RBL1: variants seen among roughly 807,000 people sequenced by gnomAD.
RBL1 encodes the protein retinoblastoma-like protein 1.
RBL1 carries 82 observed loss-of-function variants against 123.0 expected under a neutral mutation model. That is an observed-to-expected ratio of 0.67 (90% confidence interval 0.56 to 0.80). RBL1 has a LOEUF of 0.80. RBL1 is among the 30% of genes least tolerant of loss of function. The probability of loss-of-function intolerance (pLI) is 0.00; values close to 1 mark genes in which losing one functional copy is unlikely to be tolerated. For missense variants in RBL1, 1,171 were observed against 1,299.6 expected (o/e 0.90, Z 1.52); for synonymous variants, 405 against 441.3 (o/e 0.92, Z 1.03).
intron 3 of RBL1, 149 bp downstream of exon 3, chr20:37,067,837 A>G (rs1420628521): frequency 1.2e-6 from 1 of 867,714 alleles, no homozygotes; most frequent in African/African-American, 1.8e-5. Flanking sequence ...CTGAATTTCC[A>G]AATATGGATA....
chr20:37,063,575 G>C (rs1049622122), intron 7 of RBL1, among the ~76,000 whole-genome samples: 2 of 152,048 alleles, frequency 1.3e-5, no homozygotes, highest in Admixed American at 6.6e-5. Context: ...GCAATGGTGT[G>C]ATCTGGGCTC....
intron 2 of RBL1, among the ~76,000 whole-genome samples, chr20:37,070,278 C>T (rs987545100): frequency 6.6e-6 from 1 of 152,046 alleles, no homozygotes; most frequent in African/African-American, 2.4e-5. Flanking sequence ...GCAGCATGCT[C>T]CTTAAGAGTC....
intron 2 of RBL1, among the ~76,000 whole-genome samples, chr20:37,070,534 T>C (rs907728888): frequency 6.6e-6 from 1 of 150,990 alleles, no homozygotes; most frequent in African/African-American, 2.4e-5. Flanking sequence ...AAAACAGAAG[T>C]CTCCCAAATG....
intron 2 of RBL1, 133 bp from the exon 3 acceptor site, chr20:37,068,319 C>G: frequency 1.5e-6 from 2 of 1,303,422 alleles, no homozygotes; most frequent in Non-Finnish European, 2.0e-6. Context: ...AGTTAAGACC[C>G]CATCTCTACA....
At chr20:37,075,480 G>C (rs1354327895) in intron 2 of RBL1, among the ~76,000 whole-genome samples, 1 of 151,854 alleles carries the variant, frequency 6.6e-6, no homozygotes, top group Non-Finnish European at 1.5e-5. Flanking sequence ...TGTTGAGATG[G>C]AGTCTCAGTC....
intron 2 of RBL1, among the ~76,000 whole-genome samples, chr20:37,068,572 G>T (rs2065221692): frequency 6.6e-6 from 1 of 151,940 alleles, no homozygotes; most frequent in South Asian, 2.1e-4. Flanking sequence ...TTCGTTCCCA[G>T]GATCACCAGG....
chr20:37,002,336 GTTTTTTTTTTTTT>G lies in RBL1; in HGVS notation c.3036+1353_3036+1365del, dbSNP rs965408801. The stretch of plus-strand genomic sequence containing the variant: ...TGAGCCACCGTGCCTAGCCTTATCT[GTTTTTTTTTTTTT>G]TTTTTTTTTTTGAGACTAAGTCTTG... On this transcript the variant is annotated intron_variant, in intron 21 of 21. Coordinates refer to ENST00000373664, the MANE Select transcript of RBL1 (RefSeq NM_002895.5). Among the ~76,000 whole-genome samples the G allele has an allele frequency of 7.9e-5, 6 of 76,352 alleles. No individual in the cohort carries two copies. In the East Asian group the frequency reaches 4.2e-3, roughly 53 times the overall value. 50.1% of individuals were successfully genotyped at this position (76,352 alleles called of 152,430 possible). A position where few individuals can be genotyped will look rare whatever the true frequency, so the allele number is the denominator to read the frequency against.
At chr20:37,067,766 C>CAAAAAAAAAAAAAACAAA (rs2065202249) in intron 3 of RBL1, among the ~76,000 whole-genome samples, 1 of 62,680 alleles carries the variant, frequency 1.6e-5, no homozygotes, top group Non-Finnish European at 3.0e-5. Context: ...TGAGACTCCT[C>CAAAAAAAAAAAAAACAAA]AAAAAAAAAA....
chr20:37,057,505 T>G (rs1408573594), intron 9 of RBL1, among the ~76,000 whole-genome samples: 1 of 152,236 alleles, frequency 6.6e-6, no homozygotes. Context: ...TTGCATATAC[T>G]CTTTGGAGAA....
chr20:37,084,187 A>G (rs2065503665), intron 2 of RBL1, among the ~76,000 whole-genome samples: 1 of 152,056 alleles, frequency 6.6e-6, no homozygotes, highest in African/African-American at 2.4e-5. Flanking sequence ...GGTGTGTGCC[A>G]CTGGGCCTGA....
At chr20:37,049,448 T>G in intron 11 of RBL1, 1 of 753,258 alleles carries the variant, frequency 1.3e-6, no homozygotes, top group South Asian at 1.4e-5. Flanking sequence ...ACTCTTCATC[T>G]TGTGTTGAGA....
chr20:37,027,012 A>AC (rs2064436064), intron 16 of RBL1, among the ~76,000 whole-genome samples: 1 of 147,018 alleles, frequency 6.8e-6, no homozygotes. Flanking sequence ...AAAAAAAACA[A>AC]CAAAAAAAAA....
intron 1 of RBL1, among the ~76,000 whole-genome samples, chr20:37,092,322 T>C (rs567024883): frequency 1.6e-4 from 25 of 152,138 alleles, no homozygotes; most frequent in Non-Finnish European, 2.9e-4. Flanking sequence ...TTTAAAGACA[T>C]TAAAGAATAC....
chr20:37,002,868 G>A (rs2064011236), intron 21 of RBL1, among the ~76,000 whole-genome samples: 4 of 151,508 alleles, frequency 2.6e-5, no homozygotes, highest in Middle Eastern at 3.4e-3. Context: ...GATTATAGGT[G>A]CGCACCACCA....
intron 2 of RBL1, among the ~76,000 whole-genome samples, chr20:37,079,471 T>TTA (rs1455190134): frequency 6.8e-6 from 1 of 147,506 alleles, no homozygotes. Flanking sequence ...AAGCATTTTT[T>TTA]TTTTTTTTTT....
intron 6 of RBL1, 126 bp downstream of exon 6, chr20:37,066,598 G>T: frequency 2.5e-6 from 2 of 813,370 alleles, no homozygotes; most frequent in South Asian, 3.9e-5. Context: ...AATCACAGTA[G>T]AGGCTAAAGC....
intron 2 of RBL1, among the ~76,000 whole-genome samples, chr20:37,074,124 A>T (rs1275023403): frequency 6.6e-6 from 1 of 151,752 alleles, no homozygotes; most frequent in Non-Finnish European, 1.5e-5. Flanking sequence ...ATAAACAAAC[A>T]AATTTTAAGC....
chr20:37,022,729 G>C lies in RBL1; in HGVS notation c.2480C>G (p.Thr827Ser), dbSNP rs978845033. 6.2e-7 allele frequency: 1 copy of C among 1,614,016 alleles called. No individual in the cohort carries two copies. The highest frequency in any genetic ancestry group is 1.1e-5 in the South Asian group (1 of 91,090). Residue 827 changes from threonine (T) to serine (S), a missense_variant, in exon 17 of 22, where the codon ACT becomes AGT. Physicochemically the swap from Thr to Ser is moderately conservative, Grantham distance 58. Coordinates refer to ENST00000373664, the MANE Select transcript of RBL1 (RefSeq NM_002895.5). ...RRKIWTCFEFTLVHCPDLMKD... is the reference protein window; with the variant it reads ...RRKIWTCFEFSLVHCPDLMKD... ...CATTAGATCAGGACAGTGAACTAAAGTGAATTCAAAACACGTCCATATCTT... is the reference window on the plus strand; with the variant it reads ...CATTAGATCAGGACAGTGAACTAAACTGAATTCAAAACACGTCCATATCTT...
chr20:37,089,631 G>A (rs1457405720), intron 1 of RBL1, among the ~76,000 whole-genome samples: 9 of 150,766 alleles, frequency 6.0e-5, no homozygotes, highest in Non-Finnish European at 1.3e-4. Flanking sequence ...GCAGCTGAGC[G>A]AGATCCTGTC....
Sources: gnomAD v4.1 joint callset for allele counts (sites outside exome capture counted in the v4.1 genomes callset) on GRCh38, gnomAD v4.1.1 for gene constraint, MANE v1.5 for transcripts, NCBI Gene and HGNC (gene_info 2026-07-23, HGNC 2026-07-21) for gene names.